NDC1: variants seen among roughly 807,000 people sequenced by gnomAD.
NDC1 encodes the protein NDC1 transmembrane nucleoporin, also known as nucleoporin NDC1.
Under a neutral mutation model 89.8 loss-of-function variants are expected in NDC1, and 24 were observed. That is an observed-to-expected ratio of 0.27 (90% CI 0.19 to 0.38). The LOEUF is 0.38. Ranked by LOEUF, NDC1 falls within the 10% of genes least tolerant of loss-of-function variation. The probability of loss-of-function intolerance (pLI) is 1.00; values close to 1 mark genes in which losing one functional copy is unlikely to be tolerated. For synonymous variants in NDC1, 296 were observed against 284.8 expected, an observed-to-expected ratio of 1.04 and a Z score of -0.39; for missense variants, 728 against 797.6, an observed-to-expected ratio of 0.91 and a Z score of 1.05.
At chr1:53,814,923 G>A (rs1648428994) in intron 6 of NDC1, among the ~76,000 whole-genome samples, 2 of 152,040 alleles carry the variant, frequency 1.3e-5, no homozygotes, top group South Asian at 4.1e-4. Context: ...CAGATAACCT[G>A]AACAGACCAA....
intron 11 of NDC1, 77 bp from the exon 12 acceptor site, chr1:53,797,221 C>T: frequency 3.4e-6 from 5 of 1,456,062 alleles, no homozygotes; most frequent in Non-Finnish European, 4.7e-6. Context: ...AAATTCTACA[C>T]ATACCAAATT....
chr1:53,792,741 CT>C, intron 14 of NDC1, among the ~76,000 whole-genome samples: 1 of 152,356 alleles, frequency 6.6e-6, no homozygotes, highest in Admixed American at 6.5e-5. Flanking sequence ...GAGATTTACT[CT>C]CCTGTGGCAG....
chr1:53,797,298 G>T (rs183491756), intron 11 of NDC1, among the ~76,000 whole-genome samples, 154 bp from the exon 12 acceptor site: 5 of 152,120 alleles, frequency 3.3e-5, no homozygotes, highest in African/African-American at 1.2e-4. Flanking sequence ...CTCAAGATTC[G>T]ATTTTACTAC....
chr1:53,776,672 T>C (rs1296939312), intron 16 of NDC1, among the ~76,000 whole-genome samples: 1 of 152,186 alleles, frequency 6.6e-6, no homozygotes, highest in South Asian at 2.1e-4. Flanking sequence ...TCAGTAATTG[T>C]TTTAACATAT....
chr1:53,784,518 CGCAGT>C (rs1480816942), intron 16 of NDC1, among the ~76,000 whole-genome samples: 1 of 152,016 alleles, frequency 6.6e-6, no homozygotes, highest in African/African-American at 2.4e-5. Flanking sequence ...TCAGGCCGGG[CGCAGT>C]GGCTCACGCC....
rs144487640 is a variant in NDC1 at position 53,800,716 on chromosome 1, T to A, written c.1199A>T (p.Glu400Val). The A allele has an allele frequency of 8.7e-6, 14 of 1,614,142 alleles. No individual in the cohort carries two copies. The African/African-American group carries it at 1.1e-4, about 12-fold the overall frequency. The change falls in exon 11 of 18, where the codon GAA becomes GTA. Residue 400 changes from glutamate (E) to valine (V), a missense_variant. Physicochemically the swap from Glu to Val is moderately radical, Grantham distance 121. Coordinates refer to ENST00000371429, the MANE Select transcript of NDC1 (RefSeq NM_018087.5). Reference sequence around the variant, plus strand: ...ACCTGGAGAATTTAATTTCTTAGGTTCCACTGGGTAAGATGAAGACACTCT... The same window carrying A: ...ACCTGGAGAATTTAATTTCTTAGGTACCACTGGGTAAGATGAAGACACTCT... ...NGRVSSSYPV[E>V]PKKLNSPEET... is the part of the protein sequence containing the mutation.
chr1:53,816,267 C>G (rs1015876782), intron 6 of NDC1, among the ~76,000 whole-genome samples: 2 of 152,094 alleles, frequency 1.3e-5, no homozygotes, highest in African/African-American at 4.8e-5. Flanking sequence ...ACCAATGGAG[C>G]AGGATAGAGA....
Position 53,807,646 on chromosome 1 carries a change from A to G in NDC1, c.891+10T>C, listed in dbSNP as rs1014506509. The stretch of plus-strand genomic sequence containing the variant: ...AAAAGTATTAAGAAAAAATATTTTA[A>G]AAAACATACCTCTGTGGCATAGATT... On this transcript the variant is annotated intron_variant, in intron 8 of 17. Coordinates refer to ENST00000371429, the MANE Select transcript of NDC1 (RefSeq NM_018087.5). 17 of 1,585,904 alleles carry G rather than the reference A, an allele frequency of 1.1e-5. No homozygotes were observed. Among genetic ancestry groups the G allele is most frequent in the Admixed American group, 7.9e-5 (4 of 50,942 alleles).
rs142547374 is a variant in NDC1 at position 53,793,431 on chromosome 1, G to A, written c.1585-152C>T. The A allele has an allele frequency of 9.4e-4, 621 of 661,692 alleles. 7 individuals carry two copies. The East Asian group carries it at 0.014, about 15-fold the overall frequency. 41.0% of individuals were successfully genotyped at this position (661,692 alleles called of 1,614,324 possible). A position where few individuals can be genotyped will look rare whatever the true frequency, so the allele number is the denominator to read the frequency against. On this transcript the variant is annotated intron_variant, in intron 13 of 17. Transcript: ENST00000371429. ...AAGAATAATAATACTTAAACAATACGCCATGTAACTAAATACCTTTGTGCT... is the reference window on the plus strand; with the variant it reads ...AAGAATAATAATACTTAAACAATACACCATGTAACTAAATACCTTTGTGCT...
intron 16 of NDC1, among the ~76,000 whole-genome samples, chr1:53,779,250 T>C (rs1356609506): frequency 6.6e-6 from 1 of 152,118 alleles, no homozygotes; most frequent in African/African-American, 2.4e-5. Flanking sequence ...ATAATCTCAT[T>C]TACTCTTCAT....
chr1:53,806,291 G>A, intron 9 of NDC1, 134 bp downstream of exon 9: 1 of 524,860 alleles, frequency 1.9e-6, no homozygotes, highest in Non-Finnish European at 3.1e-6. Flanking sequence ...TTAGCAAGTA[G>A]GTGATTTTTA....
chr1:53,810,421 T>A, intron 6 of NDC1, among the ~76,000 whole-genome samples: 5 of 131,194 alleles, frequency 3.8e-5, no homozygotes, highest in African/African-American at 5.8e-5. Context: ...AAGAAGAAAC[T>A]GGCAAAAAAA....
At chr1:53,820,696 T>A (rs1411715081) in intron 5 of NDC1, among the ~76,000 whole-genome samples, 1 of 141,880 alleles carries the variant, frequency 7.0e-6, no homozygotes, top group Non-Finnish European at 1.5e-5. Flanking sequence ...GATGTACTTC[T>A]CTCTCTTTTT....
At chr1:53,820,409 A>G (rs1206131053) in intron 5 of NDC1, among the ~76,000 whole-genome samples, 2 of 152,134 alleles carry the variant, frequency 1.3e-5, no homozygotes, top group African/African-American at 4.8e-5. Context: ...GTGGGGAGGG[A>G]TAGCATTAGG....
chr1:53,813,253 G>C (rs1040926587), intron 6 of NDC1, among the ~76,000 whole-genome samples: 3 of 152,094 alleles, frequency 2.0e-5, no homozygotes, highest in African/African-American at 7.2e-5. Context: ...CAAAAAGCAT[G>C]GTGAATTCGA....
chr1:53,803,900 T>C, intron 10 of NDC1, 28 bp downstream of exon 10: 2 of 1,533,948 alleles, frequency 1.3e-6, no homozygotes, highest in South Asian at 1.1e-5. Context: ...CACATATGCC[T>C]AATCAAGTCT....
intron 1 of NDC1, among the ~76,000 whole-genome samples, chr1:53,837,254 T>A (rs898778369): frequency 5.9e-5 from 9 of 152,038 alleles, no homozygotes; most frequent in Non-Finnish European, 8.8e-5. Flanking sequence ...AGATATCGTA[T>A]CTCTATTATA....
chr1:53,806,517 C>A lies in NDC1; in HGVS notation c.892G>T (p.Ala298Ser). ...WILFKIYATEAHVFPVQPPFA... is the reference protein window; with the variant it reads ...WILFKIYATESHVFPVQPPFA... ...GGTGGTTGAACAGGAAACACATGAG[C>A]CTATCAAATAAATTAAAAACCAAAA... The change falls in exon 9 of 18, where the codon GCT becomes TCT. Residue 298 changes from alanine to serine, a missense_variant and splice_region_variant. Transcript: ENST00000371429. 4 of 1,467,580 alleles carry A rather than the reference C, an allele frequency of 2.7e-6. No homozygotes were observed. Among genetic ancestry groups the A allele is most frequent in the South Asian group, 1.5e-5 (1 of 65,420 alleles). The allele number at this position is 1,467,580 out of a possible 1,614,324, so 90.9% of individuals were successfully genotyped here. A position where few individuals can be genotyped will look rare whatever the true frequency, so the allele number is the denominator to read the frequency against.
At chr1:53,792,883 G>A (rs1199045206) in intron 14 of NDC1, among the ~76,000 whole-genome samples, 7 of 152,218 alleles carry the variant, frequency 4.6e-5, no homozygotes, top group South Asian at 4.1e-4. Flanking sequence ...TCACAAAGAC[G>A]CTAGCAGGAC....
Sources: gnomAD v4.1 joint callset for allele counts (sites outside exome capture counted in the v4.1 genomes callset) on GRCh38, gnomAD v4.1.1 for gene constraint, MANE v1.5 for transcripts, NCBI Gene and HGNC (gene_info 2026-07-23, HGNC 2026-07-21) for gene names.